CSMD1: variants seen among roughly 807,000 people sequenced by gnomAD.
CSMD1 encodes the protein CUB and sushi domain-containing protein 1.
A neutral mutation model predicts 417.5 loss-of-function variants in CSMD1; 213 were observed. The ratio of observed to expected loss-of-function variants is 0.51; its 90% CI spans 0.46 to 0.57. The LOEUF (loss-of-function observed/expected upper bound fraction) is 0.57. Ranked by LOEUF, CSMD1 falls within the 20% of genes least tolerant of loss-of-function variation. The probability of loss-of-function intolerance (pLI) is 0.00; values close to 1 mark genes in which losing one functional copy is unlikely to be tolerated. For synonymous variants in CSMD1, 2,862 were observed against 1,736.8 expected, an observed-to-expected ratio of 1.65 and a Z score of -16.11; for missense variants, 6,923 against 4,529.7, an observed-to-expected ratio of 1.53 and a Z score of -15.17.
rs115049661 is a variant in CSMD1 at position 4,111,619 on chromosome 8, G to C, written c.416-79520C>G. On this transcript the variant is annotated intron_variant, in intron 3 of 69. Coordinates refer to ENST00000635120, the MANE Select transcript of CSMD1 (RefSeq NM_033225.6). Reference sequence around the variant, plus strand: ...AAGAAATGAAATTATGTCCTTTGTAGGGACGTGGATGGAGTTAGAAGCCAT... The same window carrying C: ...AAGAAATGAAATTATGTCCTTTGTACGGACGTGGATGGAGTTAGAAGCCAT... Among the ~76,000 whole-genome samples, 1,158 of 152,268 alleles carry C rather than the reference G, an allele frequency of 7.6e-3. 14 individuals carry two copies. Among genetic ancestry groups the C allele is most frequent in the African/African-American group, 0.026 (1,089 of 41,552 alleles).
chr8:2,938,716 A>G lies in CSMD1; in HGVS notation c.10564T>C (p.Tyr3522His), dbSNP rs1167784432. 1 of 1,610,984 alleles carries G rather than the reference A, an allele frequency of 6.2e-7. No individual in the cohort carries two copies. Among genetic ancestry groups the G allele is most frequent in the Non-Finnish European group, 8.5e-7 (1 of 1,178,420 alleles). Residue 3522 changes from tyrosine to histidine, a missense_variant, in exon 70 of 70, where the codon TAT becomes CAT. Transcript: ENST00000635120. ...RTRPKVQYNGYAGHENSNGQA... is the reference protein window; with the variant it reads ...RTRPKVQYNGHAGHENSNGQA... ...CCATTGCTGTTTTCATGCCCAGCAT[A>G]GCCATTGTATTGAACTTTTGGTCTC...
intron 7 of CSMD1, among the ~76,000 whole-genome samples, chr8:3,670,493 A>ATG (rs1798934742): frequency 7.2e-6 from 1 of 139,224 alleles, no homozygotes; most frequent in African/African-American, 2.6e-5. Flanking sequence ...TATCCCGTAT[A>ATG]TATATCCCAT....
intron 3 of CSMD1, among the ~76,000 whole-genome samples, chr8:4,164,919 ATAG>A (rs1442377798): frequency 6.6e-6 from 1 of 151,726 alleles, no homozygotes; most frequent in Admixed American, 6.6e-5. Context: ...ATATAGTTTG[ATAG>A]TAGTCCTGAA....
chr8:4,413,869 G>A (rs1429649300), intron 3 of CSMD1, among the ~76,000 whole-genome samples: 1 of 152,148 alleles, frequency 6.6e-6, no homozygotes, highest in Non-Finnish European at 1.5e-5. Context: ...GTGTTTACAG[G>A]AAGGATACCT....
At chr8:2,980,357 CCT>C (rs536642402) in intron 54 of CSMD1, among the ~76,000 whole-genome samples, 113 of 151,760 alleles carry the variant, frequency 7.4e-4, no homozygotes, top group African/African-American at 2.6e-3. Flanking sequence ...TCCTCCTCCA[CCT>C]CTGTGTCCTT....
At chr8:4,849,589 T>G (rs1329970976) in intron 1 of CSMD1, among the ~76,000 whole-genome samples, 1 of 152,176 alleles carries the variant, frequency 6.6e-6, no homozygotes, top group Non-Finnish European at 1.5e-5. Flanking sequence ...TCATCTTTTA[T>G]ACCATAATTT....
At position 4,209,604 on chromosome 8, in the gene CSMD1, G is replaced by C. The variant is rs570781007; in HGVS notation, c.416-177505C>G. Among the ~76,000 whole-genome samples, 3 of 152,234 alleles carry C rather than the reference G, an allele frequency of 2.0e-5. No individual in the cohort carries two copies. The East Asian group carries it at 5.8e-4, about 29-fold the overall frequency. On this transcript the variant is annotated intron_variant, in intron 3 of 69. Coordinates refer to ENST00000635120, the MANE Select transcript of CSMD1 (RefSeq NM_033225.6). Reference sequence around the variant, plus strand: ...TGCCTTTCCTTTTCCCTGTCCCCGTGATGCAGGAAAGACAAGCCCCCGAAT... The same window carrying C: ...TGCCTTTCCTTTTCCCTGTCCCCGTCATGCAGGAAAGACAAGCCCCCGAAT...
chr8:4,115,066 C>T (rs184128729), intron 3 of CSMD1, among the ~76,000 whole-genome samples: 10 of 152,224 alleles, frequency 6.6e-5, no homozygotes, highest in South Asian at 4.1e-4. Context: ...ATTGCTACTC[C>T]GAGCAAAATG....
chr8:4,042,297 A>G (rs1030018649), intron 3 of CSMD1, among the ~76,000 whole-genome samples: 2 of 152,138 alleles, frequency 1.3e-5, no homozygotes, highest in Non-Finnish European at 2.9e-5. Context: ...TAGTGGGGGT[A>G]GGAGTAATGT....
At chr8:3,647,110 C>T (rs1281033406) in intron 7 of CSMD1, among the ~76,000 whole-genome samples, 1 of 152,034 alleles carries the variant, frequency 6.6e-6, no homozygotes, top group Non-Finnish European at 1.5e-5. Flanking sequence ...AATGAAAATC[C>T]CAGGAAGGAA....
chr8:2,952,796 T>C (rs1291726845), intron 65 of CSMD1, among the ~76,000 whole-genome samples: 1 of 152,196 alleles, frequency 6.6e-6, no homozygotes, highest in Non-Finnish European at 1.5e-5. Context: ...GGGCCAGGCC[T>C]GGCTGGGTAG....
chr8:4,013,478 G>C (rs1023908724), intron 4 of CSMD1, among the ~76,000 whole-genome samples: 1 of 152,118 alleles, frequency 6.6e-6, no homozygotes, highest in Non-Finnish European at 1.5e-5. Flanking sequence ...GATCTTAGGT[G>C]ATAAGACCAG....
intron 2 of CSMD1, among the ~76,000 whole-genome samples, chr8:4,436,471 A>G (rs1019340201): frequency 1.3e-5 from 2 of 152,158 alleles, no homozygotes; most frequent in African/African-American, 4.8e-5. Flanking sequence ...AATGCAATGC[A>G]TAATAATCAC....
rs78387668 is a variant in CSMD1 at position 4,070,677 on chromosome 8, T to G, written c.416-38578A>C. ...CGGCCACCACCTATAACACTCTCTA[T>G]TCGTCACTGAAGATCCAAGTTTTCA... On this transcript the variant is annotated intron_variant, in intron 3 of 69. Transcript: ENST00000635120. 5.1e-3 allele frequency among the ~76,000 whole-genome samples: 782 copies of G among 152,190 alleles called. 7 individuals carry two copies. Among genetic ancestry groups the G allele is most frequent in the African/African-American group, 0.018 (744 of 41,534 alleles).
chr8:3,574,007 G>C (rs1359657386), intron 10 of CSMD1, among the ~76,000 whole-genome samples: 1 of 152,006 alleles, frequency 6.6e-6, no homozygotes, highest in Non-Finnish European at 1.5e-5. Context: ...ACATGATTAT[G>C]AGTATGATTT....
chr8:4,664,013 A>C lies in CSMD1; in HGVS notation c.86-26455T>G, dbSNP rs570902507. 1.3e-5 allele frequency among the ~76,000 whole-genome samples: 2 copies of C among 152,190 alleles called. 1 individual carries two copies. Among genetic ancestry groups the C allele is most frequent in the South Asian group, 4.2e-4 (2 of 4,814 alleles). On this transcript the variant is annotated intron_variant, in intron 1 of 69. Coordinates refer to ENST00000635120, the MANE Select transcript of CSMD1 (RefSeq NM_033225.6). ...TTCTGGTTCGGGCAAGAGATCCACA[A>C]CACAATGCTGTTCTGATGAAGCTAC...
intron 2 of CSMD1, among the ~76,000 whole-genome samples, chr8:4,424,963 A>C (rs1004350666): frequency 6.6e-6 from 1 of 152,122 alleles, no homozygotes; most frequent in African/African-American, 2.4e-5. Flanking sequence ...AGAACATATT[A>C]AGATTAAAAT....
intron 3 of CSMD1, among the ~76,000 whole-genome samples, chr8:4,063,820 A>C (rs776764588): frequency 7.9e-5 from 12 of 152,138 alleles, no homozygotes; most frequent in Admixed American, 2.0e-4. Flanking sequence ...GAGCACTTTG[A>C]ATGTGGTAAG....
At chr8:4,440,384 T>G (rs971823329) in intron 2 of CSMD1, among the ~76,000 whole-genome samples, 2 of 152,034 alleles carry the variant, frequency 1.3e-5, no homozygotes, top group Non-Finnish European at 2.9e-5. Flanking sequence ...GAATAAGGAG[T>G]CAGAGGATTG....
Sources: gnomAD v4.1 joint callset for allele counts (sites outside exome capture counted in the v4.1 genomes callset) on GRCh38, gnomAD v4.1.1 for gene constraint, MANE v1.5 for transcripts, NCBI Gene and HGNC (gene_info 2026-07-23, HGNC 2026-07-21) for gene names.